ENTPD5: variants seen among roughly 807,000 people sequenced by gnomAD.
ENTPD5 encodes ectonucleoside triphosphate diphosphohydrolase 5 (inactive), also known as nucleoside diphosphate phosphatase ENTPD5.
In ENTPD5, 49 loss-of-function variants were observed where a neutral mutation model predicts 60.2. The ratio of observed to expected loss-of-function variants is 0.81; its 90% CI spans 0.65 to 1.03. The LOEUF (loss-of-function observed/expected upper bound fraction) is 1.03, where lower values mean the gene tolerates loss of function less well. Ranked by LOEUF, ENTPD5 falls within the 50% of genes least tolerant of loss-of-function variation. The pLI, the probability that ENTPD5 is intolerant of heterozygous loss-of-function variation, is 0.00. For missense variants in ENTPD5, 480 were observed against 507.6 expected (o/e 0.95, Z 0.52); for synonymous variants, 187 against 185.4 (o/e 1.01, Z -0.07).
intron 15 of ENTPD5, 30 bp from the exon 16 acceptor site, chr14:73,967,044 T>C: frequency 6.3e-7 from 1 of 1,579,514 alleles, no homozygotes; most frequent in Middle Eastern, 1.7e-4. Flanking sequence ...TCTTCACCTT[T>C]TCATCCAGTT....
chr14:73,969,025 C>T (rs1348142684), intron 15 of ENTPD5, among the ~76,000 whole-genome samples: 1 of 152,184 alleles, frequency 6.6e-6, no homozygotes, highest in Non-Finnish European at 1.5e-5. Flanking sequence ...TTCATGAGGC[C>T]TTAAATAAGC....
chr14:73,955,965 A>C (rs2056411220), downstream of ENTPD5: 1 of 1,613,252 alleles, frequency 6.2e-7, no homozygotes, highest in African/African-American at 1.3e-5. Context: ...TTCATTGGGA[A>C]GTGAACTGCT....
At chr14:73,968,034 G>C (rs973602767) in intron 15 of ENTPD5, among the ~76,000 whole-genome samples, 3 of 152,052 alleles carry the variant, frequency 2.0e-5, no homozygotes, top group Admixed American at 1.3e-4. Flanking sequence ...TGAGGCAGGA[G>C]AATCAGTTGA....
intron 2 of ENTPD5, among the ~76,000 whole-genome samples, chr14:74,013,046 T>C (rs2058893246): frequency 6.6e-6 from 1 of 152,194 alleles, no homozygotes; most frequent in Non-Finnish European, 1.5e-5. Flanking sequence ...CTAGTGGTTC[T>C]GAAACTTTAG....
downstream of ENTPD5, chr14:73,956,502 A>T (rs916327965): frequency 6.5e-6 from 1 of 154,252 alleles, no homozygotes; most frequent in Admixed American, 6.4e-5. Context: ...CAGTTTCTCC[A>T]CATCCTCACC....
chr14:73,997,887 CA>C (rs1173036545), intron 3 of ENTPD5, among the ~76,000 whole-genome samples: 4 of 152,096 alleles, frequency 2.6e-5, no homozygotes, highest in Admixed American at 1.3e-4. Context: ...AATATGCAGG[CA>C]GAAGCAATAG....
At chr14:74,010,087 G>A (rs1458817895) in intron 3 of ENTPD5, among the ~76,000 whole-genome samples, 1 of 151,928 alleles carries the variant, frequency 6.6e-6, no homozygotes, top group African/African-American at 2.4e-5. Flanking sequence ...ACCGCACCCA[G>A]CCGTGTTTTC....
intron 14 of ENTPD5, among the ~76,000 whole-genome samples, chr14:73,971,165 T>G (rs2057209051): frequency 6.6e-6 from 1 of 150,784 alleles, no homozygotes; most frequent in Non-Finnish European, 1.5e-5. Flanking sequence ...CCTCTTTGTT[T>G]TTTTTTTTTT....
intron 5 of ENTPD5, among the ~76,000 whole-genome samples, chr14:73,984,823 T>G (rs1049157414): frequency 6.6e-6 from 1 of 152,130 alleles, no homozygotes; most frequent in Non-Finnish European, 1.5e-5. Context: ...TATGCATACA[T>G]GTGCCACGTT....
At chr14:73,958,849 C>T, downstream of ENTPD5, 2 of 1,545,838 alleles carry the variant, frequency 1.3e-6, no homozygotes, top group Non-Finnish European at 1.7e-6. Flanking sequence ...TGAAGCAGGC[C>T]TGATGGAATT....
chr14:74,012,293 G>C (rs775051896), intron 2 of ENTPD5, among the ~76,000 whole-genome samples: 23 of 91,852 alleles, frequency 2.5e-4, no homozygotes, highest in Non-Finnish European at 3.7e-4. Context: ...TAGTAGAGAG[G>C]GGGGGGTTTC....
At chr14:74,013,842 T>A (rs879621986) in intron 2 of ENTPD5, among the ~76,000 whole-genome samples, 2 of 152,190 alleles carry the variant, frequency 1.3e-5, no homozygotes, top group African/African-American at 4.8e-5. Flanking sequence ...GTTTCTTAAA[T>A]GAATGAACAT....
intron 3 of ENTPD5, among the ~76,000 whole-genome samples, chr14:73,998,846 T>C (rs963546531): frequency 6.6e-6 from 1 of 152,138 alleles, no homozygotes; most frequent in African/African-American, 2.4e-5. Context: ...TGACCAACTA[T>C]AGTAGAAAAT....
In ENTPD5 at chr14:73,986,857, G is replaced by C; in HGVS notation, c.254C>G (p.Ser85Cys). Residue 85 changes from serine (S) to cysteine (C), a missense_variant, in exon 5 of 16, where the codon TCT becomes TGT. Physicochemically the swap from Ser to Cys is moderately radical, Grantham distance 112. Coordinates refer to ENST00000334696, the MANE Select transcript of ENTPD5 (RefSeq NM_001249.5). The stretch of plus-strand genomic sequence containing the variant: ...AAAAGCAGAAAGTCCTGGCTTCACA[G>C]AATCAAAAACTTCCCCTTCTAGAAT... ...LPILEGEVFDSVKPGLSAFVD... is the reference protein window; with the variant it reads ...LPILEGEVFDCVKPGLSAFVD... 1 of 1,614,072 alleles carries C rather than the reference G, an allele frequency of 6.2e-7. No homozygotes were observed. Among genetic ancestry groups the C allele is most frequent in the Non-Finnish European group, 8.5e-7 (1 of 1,179,970 alleles).
At chr14:73,972,563 A>G (rs1211987212) in intron 13 of ENTPD5, among the ~76,000 whole-genome samples, 1 of 152,176 alleles carries the variant, frequency 6.6e-6, no homozygotes, top group African/African-American at 2.4e-5. Flanking sequence ...TTTGTGGTGA[A>G]TATGTTTATT....
intron 10 of ENTPD5, among the ~76,000 whole-genome samples, chr14:73,975,224 C>G (rs758971174): frequency 1.2e-4 from 18 of 152,030 alleles, no homozygotes; most frequent in Non-Finnish European, 2.5e-4. Flanking sequence ...GTGACAATTC[C>G]TAGGGTCCCA....
chr14:74,002,261 A>G (rs1234815951), intron 3 of ENTPD5, among the ~76,000 whole-genome samples: 1 of 152,160 alleles, frequency 6.6e-6, no homozygotes, highest in Non-Finnish European at 1.5e-5. Flanking sequence ...AGTCTTAACT[A>G]GTAGGCCACC....
chr14:73,959,085 T>G (rs781304368), downstream of ENTPD5: 17 of 1,614,130 alleles, frequency 1.1e-5, no homozygotes, highest in Non-Finnish European at 1.4e-5. Flanking sequence ...AGAGGTAAGA[T>G]CCTGAGCTGC....
At chr14:73,981,610 C>G (rs965246084) in intron 6 of ENTPD5, among the ~76,000 whole-genome samples, 6 of 151,868 alleles carry the variant, frequency 4.0e-5, no homozygotes, top group African/African-American at 1.5e-4. Flanking sequence ...TGAAACCAAG[C>G]CTGGGCAACA....
Sources: gnomAD v4.1 joint callset for allele counts (sites outside exome capture counted in the v4.1 genomes callset) on GRCh38, gnomAD v4.1.1 for gene constraint, MANE v1.5 for transcripts, NCBI Gene and HGNC (gene_info 2026-07-23, HGNC 2026-07-21) for gene names.